ZNF33A: variants seen among roughly 807,000 people sequenced by gnomAD.
ZNF33A encodes the protein zinc finger protein 33A.
A neutral mutation model predicts 15.9 loss-of-function variants in ZNF33A; 9 were observed. The ratio of observed to expected loss-of-function variants is 0.57; its 90% confidence interval spans 0.34 to 0.99. The LOEUF is 0.99. ZNF33A is among the 50% of genes least tolerant of loss of function. ZNF33A has a pLI of 0.02. For synonymous variants in ZNF33A, 294 were observed against 324.2 expected, an observed-to-expected ratio of 0.91 and a Z score of 1.00; for missense variants, 843 against 941.6, an observed-to-expected ratio of 0.90 and a Z score of 1.37.
chr10:38,030,855 C>T (rs1178353884), intron 4 of ZNF33A, among the ~76,000 whole-genome samples: 1 of 152,114 alleles, frequency 6.6e-6, no homozygotes, highest in African/African-American at 2.4e-5. Flanking sequence ...CTATTAGCAG[C>T]CAATTACCAC....
At chr10:38,037,825 CTTTTT>C (rs2065518841) in intron 4 of ZNF33A, among the ~76,000 whole-genome samples, 1 of 152,100 alleles carries the variant, frequency 6.6e-6, no homozygotes, top group Non-Finnish European at 1.5e-5. Context: ...CTTTCTACTT[CTTTTT>C]TAAGATTGTT....
chr10:38,040,711 T>G (rs1205104843), intron 4 of ZNF33A, among the ~76,000 whole-genome samples: 1 of 152,220 alleles, frequency 6.6e-6, no homozygotes, highest in Non-Finnish European at 1.5e-5. Context: ...CAGCACATGT[T>G]TGGATTTTCA....
In ZNF33A at chr10:38,056,148, G is replaced by A. The variant is rs1405880493; in HGVS notation, c.2024G>A (p.Cys675Tyr). Reference sequence around the variant, plus strand: ...TGTAATGAATGTGGAAAATCTTTCTGTGTAAAATCAGGACTTATTTTCCAT... The same window carrying A: ...TGTAATGAATGTGGAAAATCTTTCTATGTAAAATCAGGACTTATTTTCCAT... ...YKCNECGKSF[C>Y]VKSGLIFHER... Residue 675 changes from cysteine (C) to tyrosine (Y), a missense_variant, in exon 5 of 5, where the codon TGT becomes TAT. By Grantham distance (194) the Cys-to-Tyr change is radical (BLOSUM62 -2). Transcript: ENST00000432900. 6.2e-7 allele frequency: 1 copy of A among 1,614,042 alleles called. No individual in the cohort carries two copies. The highest frequency in any genetic ancestry group is 1.3e-5 in the African/African-American group (1 of 75,012).
At chr10:38,022,111 A>G (rs1008558958) in intron 4 of ZNF33A, among the ~76,000 whole-genome samples, 1 of 152,246 alleles carries the variant, frequency 6.6e-6, no homozygotes, top group Non-Finnish European at 1.5e-5. Flanking sequence ...ACCTCTGTTA[A>G]GTAGAAGGAC....
In ZNF33A at chr10:38,057,702, C is replaced by T; in HGVS notation, c.*1142C>T. 1 of 985,456 alleles carries T rather than the reference C, an allele frequency of 1.0e-6. No individual in the cohort carries two copies. Among genetic ancestry groups the T allele is most frequent in the East Asian group, 1.1e-4 (1 of 8,810 alleles). The allele number at this position is 985,456 out of a possible 1,614,324, so 61.0% of individuals were successfully genotyped here. ...CCTCCATGTTACTCCCTTTCTCTTC[C>T]TACCTGTGGCTCATGCCATGCCATG... On this transcript the variant is annotated 3_prime_UTR_variant, in exon 5 of 5. Coordinates refer to ENST00000432900, the MANE Select transcript of ZNF33A (RefSeq NM_006954.2).
rs371076191 is a variant in ZNF33A at position 38,056,010 on chromosome 10, G to A, written c.1886G>A (p.Arg629Lys). The A allele has an allele frequency of 6.8e-6, 11 of 1,613,960 alleles. No individual in the cohort carries two copies. The highest frequency in any genetic ancestry group is 9.3e-6 in the Non-Finnish European group (11 of 1,180,012). Residue 629 changes from arginine (R) to lysine (K), a missense_variant, in exon 5 of 5, where the codon AGA becomes AAA. Transcript: ENST00000432900. ...YQKSQLTQHQ[R>K]IHIGEKPYKC... ...AAGTCACAACTCACTCAGCATCAGAGAATTCACATAGGGGAGAAACCCTAT... is the reference window on the plus strand; with the variant it reads ...AAGTCACAACTCACTCAGCATCAGAAAATTCACATAGGGGAGAAACCCTAT...
At chr10:38,036,775 G>A (rs1190942334) in intron 4 of ZNF33A, among the ~76,000 whole-genome samples, 1 of 152,162 alleles carries the variant, frequency 6.6e-6, no homozygotes, top group Non-Finnish European at 1.5e-5. Context: ...GCATACAGAT[G>A]GGAAAGGAAG....
At chr10:38,060,640 G>A (rs2066645192), downstream of ZNF33A, among the ~76,000 whole-genome samples, 1 of 152,166 alleles carries the variant, frequency 6.6e-6, no homozygotes, top group Admixed American at 6.5e-5. Flanking sequence ...TTGGGGTGGG[G>A]ATCCTTCCTT....
downstream of ZNF33A, among the ~76,000 whole-genome samples, chr10:38,062,521 A>G (rs1319756246): frequency 6.6e-6 from 1 of 152,192 alleles, no homozygotes. Flanking sequence ...CTGTGAGACT[A>G]TTATGAGTGC....
At chr10:38,030,073 T>C (rs960089665) in intron 4 of ZNF33A, among the ~76,000 whole-genome samples, 2 of 152,224 alleles carry the variant, frequency 1.3e-5, no homozygotes, top group African/African-American at 4.8e-5. Flanking sequence ...TATCATGCTC[T>C]TATTTGACCT....
At chr10:38,025,148 C>T (rs945891767) in intron 4 of ZNF33A, among the ~76,000 whole-genome samples, 1 of 152,162 alleles carries the variant, frequency 6.6e-6, no homozygotes, top group African/African-American at 2.4e-5. Flanking sequence ...TTCAGGCTTC[C>T]GCTGGGTGTC....
At chr10:38,011,081 C>T (rs1386700659) in intron 1 of ZNF33A, among the ~76,000 whole-genome samples, 1 of 151,726 alleles carries the variant, frequency 6.6e-6, no homozygotes, top group Non-Finnish European at 1.5e-5. Context: ...GTTCTCTTGT[C>T]TAGCCTGTGC....
chr10:38,030,707 G>A (rs1431369001), intron 4 of ZNF33A, among the ~76,000 whole-genome samples: 1 of 152,154 alleles, frequency 6.6e-6, no homozygotes, highest in Non-Finnish European at 1.5e-5. Flanking sequence ...AGGAATTTGG[G>A]GTGGGGTAAG....
At chr10:38,012,397 G>C in intron 2 of ZNF33A, 47 bp downstream of exon 2, 3 of 1,246,900 alleles carry the variant, frequency 2.4e-6, no homozygotes, top group Non-Finnish European at 3.5e-6. Context: ...TGGACTTTGT[G>C]AGATTTGTAA....
downstream of ZNF33A, among the ~76,000 whole-genome samples, chr10:38,065,658 C>A (rs2066703407): frequency 6.6e-6 from 1 of 151,838 alleles, no homozygotes; most frequent in Non-Finnish European, 1.5e-5. Context: ...CCACCAACTC[C>A]AGTGGGCTGG....
chr10:38,010,523 G>A (rs2064117829), upstream of ZNF33A: 2 of 664,028 alleles, frequency 3.0e-6, no homozygotes, highest in Non-Finnish European at 2.7e-6. Flanking sequence ...AACTCAGACC[G>A]CATCTGCCCA....
Position 38,056,843 on chromosome 10 carries a change from G to C in ZNF33A, c.*283G>C. 2 of 1,099,348 alleles carry C rather than the reference G, an allele frequency of 1.8e-6. No individual in the cohort carries two copies. Among genetic ancestry groups the C allele is most frequent in the Non-Finnish European group, 2.2e-6 (2 of 902,990 alleles). The allele number at this position is 1,099,348 out of a possible 1,614,324, so 68.1% of individuals were successfully genotyped here. A position where few individuals can be genotyped will look rare whatever the true frequency, so the allele number is the denominator to read the frequency against. Reference sequence around the variant, plus strand: ...AATAAAATACGACAAGTTATGTTTTGAGTTTGATGCCATAATAGTTTTTAG... The same window carrying C: ...AATAAAATACGACAAGTTATGTTTTCAGTTTGATGCCATAATAGTTTTTAG... On this transcript the variant is annotated 3_prime_UTR_variant, in exon 5 of 5. Coordinates refer to ENST00000432900, the MANE Select transcript of ZNF33A (RefSeq NM_006954.2).
chr10:38,039,398 G>GTTTTTTTTT lies in ZNF33A; in HGVS notation c.251-14975_251-14967dup, dbSNP rs59435586. On this transcript the variant is annotated intron_variant, in intron 4 of 4. Transcript: ENST00000432900. ...CCAGCACACCCAGCTAATTTTTTGT[G>GTTTTTTTTT]TTTTTTTTTTGTAGAGATGGGGTTT... The GTTTTTTTTT allele has an allele frequency of 5.9e-5, 23 of 391,778 alleles. 1 individual carries two copies. The highest frequency in any genetic ancestry group is 1.0e-4 in the Non-Finnish European group (20 of 196,360). 24.3% of individuals were successfully genotyped at this position (391,778 alleles called of 1,614,324 possible). A position where few individuals can be genotyped will look rare whatever the true frequency, so the allele number is the denominator to read the frequency against.
intron 4 of ZNF33A, among the ~76,000 whole-genome samples, chr10:38,024,163 C>CAAAAAAAA (rs71007682): frequency 0.04 from 3,706 of 92,270 alleles, 3 homozygotes; most frequent in African/African-American, 0.062. Flanking sequence ...AAAAACAAAA[C>CAAAAAAAA]AAAAAAAAAA....
Sources: allele counts gnomAD v4.1 joint callset (sites outside exome capture counted in the v4.1 genomes callset), GRCh38; gene constraint gnomAD v4.1.1; transcripts MANE v1.5; gene names NCBI Gene and HGNC (gene_info 2026-07-23, HGNC 2026-07-21).